RNFT2: variants seen among roughly 807,000 people sequenced by gnomAD.
RNFT2 encodes the protein ring finger protein, transmembrane 2, also known as E3 ubiquitin-protein ligase RNFT2.
In RNFT2, 36 loss-of-function variants were observed where a neutral mutation model predicts 53.0. The ratio of observed to expected loss-of-function variants is 0.68; its 90% CI spans 0.52 to 0.90. RNFT2 has a LOEUF of 0.90. Among genes scored for constraint, RNFT2 ranks in the 40% least tolerant of loss-of-function variants. The pLI is 0.00. For missense variants in RNFT2, 514 were observed against 585.6 expected, an observed-to-expected ratio of 0.88 and a Z score of 1.26; for synonymous variants, 260 against 253.2, an observed-to-expected ratio of 1.03 and a Z score of -0.26.
chr12:116,823,703 T>A (rs911789134), intron 7 of RNFT2, among the ~76,000 whole-genome samples: 9 of 152,100 alleles, frequency 5.9e-5, no homozygotes, highest in Non-Finnish European at 1.0e-4. Flanking sequence ...TAATAATAAT[T>A]CTTCTGCTTT....
intron 7 of RNFT2, among the ~76,000 whole-genome samples, chr12:116,831,171 A>AC: frequency 6.8e-6 from 1 of 147,948 alleles, no homozygotes; most frequent in South Asian, 2.2e-4. Flanking sequence ...ACCAGCCTGG[A>AC]CAACACAGCA....
At chr12:116,789,035 GGGA>G (rs1874076911) in intron 7 of RNFT2, among the ~76,000 whole-genome samples, 1 of 151,314 alleles carries the variant, frequency 6.6e-6, no homozygotes, top group African/African-American at 2.4e-5. Context: ...ATGGGTAAAT[GGGA>G]GGAGAGTAGA....
At chr12:116,839,607 C>T (rs546020368) in intron 10 of RNFT2, among the ~76,000 whole-genome samples, 32 of 148,388 alleles carry the variant, frequency 2.2e-4, no homozygotes, top group African/African-American at 5.2e-4. Flanking sequence ...GACAGATGGA[C>T]GGATGGATGG....
intron 6 of RNFT2, 114 bp from the exon 7 acceptor site, chr12:116,779,081 C>T: frequency 9.0e-7 from 1 of 1,109,542 alleles, no homozygotes; most frequent in Non-Finnish European, 1.3e-6. Flanking sequence ...ACGTCTGACT[C>T]CCAGTTCAGC....
intron 6 of RNFT2, among the ~76,000 whole-genome samples, chr12:116,777,315 T>C (rs1463251964): frequency 6.6e-6 from 1 of 152,116 alleles, no homozygotes; most frequent in Non-Finnish European, 1.5e-5. Context: ...CTGCGTGACA[T>C]CTAAAGCCAG....
At chr12:116,810,046 T>C (rs186315754) in intron 7 of RNFT2, among the ~76,000 whole-genome samples, 11 of 152,254 alleles carry the variant, frequency 7.2e-5, no homozygotes, top group Admixed American at 6.5e-4. Context: ...GGTCACATGA[T>C]TTGTTTTCTC....
chr12:116,852,146 T>G lies in RNFT2; in HGVS notation c.*2698T>G. ...GCCACCAGAATCTTGCCTGCCCTAT[T>G]CCTCCTCCCAAGTCTGTTCTCTTAT... On this transcript the variant is annotated 3_prime_UTR_variant, in exon 11 of 11. Coordinates refer to ENST00000257575, the MANE Select transcript of RNFT2 (RefSeq NM_001382266.1). 5.7e-6 allele frequency: 6 copies of G among 1,059,844 alleles called. No homozygotes were observed. Among genetic ancestry groups the G allele is most frequent in the Non-Finnish European group, 6.5e-6 (5 of 774,136 alleles). 65.7% of individuals were successfully genotyped at this position (1,059,844 alleles called of 1,614,324 possible).
intron 5 of RNFT2, among the ~76,000 whole-genome samples, chr12:116,763,877 A>G (rs963377605): frequency 2.0e-5 from 3 of 152,188 alleles, no homozygotes; most frequent in African/African-American, 7.2e-5. Flanking sequence ...AAAAGAAGTC[A>G]TTATACGAAA....
intron 10 of RNFT2, among the ~76,000 whole-genome samples, chr12:116,848,620 T>C (rs1877738893): frequency 1.3e-5 from 2 of 152,056 alleles, no homozygotes; most frequent in African/African-American, 4.8e-5. Flanking sequence ...CTCCCGCACA[T>C]CAAACACAGT....
At chr12:116,837,436 G>A (rs1877035709) in intron 10 of RNFT2, among the ~76,000 whole-genome samples, 1 of 152,136 alleles carries the variant, frequency 6.6e-6, no homozygotes, top group African/African-American at 2.4e-5. Flanking sequence ...GTTTTTGGAG[G>A]AGGCATAGCC....
chr12:116,765,406 A>G (rs1872865155), intron 5 of RNFT2, among the ~76,000 whole-genome samples: 2 of 152,188 alleles, frequency 1.3e-5, no homozygotes, highest in Admixed American at 1.3e-4. Flanking sequence ...GGAAATGTGC[A>G]TCATAACAGT....
intron 5 of RNFT2, among the ~76,000 whole-genome samples, chr12:116,761,899 T>C (rs1872703015): frequency 6.6e-6 from 1 of 151,836 alleles, no homozygotes; most frequent in Non-Finnish European, 1.5e-5. Context: ...ATTGAAAGGA[T>C]TGAATGAAAT....
rs974255258 is a variant in RNFT2, at chr12:116,840,998, T to C, written c.1200+4716T>C. ...ATGTCATTTTTCGTAATTAAATGCT[T>C]CAAACATCCTTTCCCAGATTCCCTA... On this transcript the variant is annotated intron_variant, in intron 10 of 10. Transcript: ENST00000257575. 1.1e-4 allele frequency among the ~76,000 whole-genome samples: 16 copies of C among 152,142 alleles called. No homozygotes were observed. In the East Asian group the frequency reaches 3.1e-3, roughly 29 times the overall value.
chr12:116,842,380 G>A (rs1235245912), intron 10 of RNFT2, among the ~76,000 whole-genome samples: 4 of 152,044 alleles, frequency 2.6e-5, no homozygotes, highest in Admixed American at 2.0e-4. Flanking sequence ...ATGGAAATCT[G>A]CCTCTCACAT....
At position 116,828,845 on chromosome 12, in the gene RNFT2, CA is replaced by C. The variant is rs369518779; in HGVS notation, c.883-4943del. ...GTGCACTGAATGTAGGGAAGAGTGA[CA>C]AAAGCAGGTTAAGGCCAGGCATGGT... On this transcript the variant is annotated intron_variant, in intron 7 of 10. Coordinates refer to ENST00000257575, the MANE Select transcript of RNFT2 (RefSeq NM_001382266.1). Among the ~76,000 whole-genome samples, 237 of 152,004 alleles carry C rather than the reference CA, an allele frequency of 1.6e-3. 1 individual carries two copies. The highest frequency in any genetic ancestry group is 5.1e-3 in the African/African-American group (213 of 41,462).
rs775681513 is a variant in RNFT2, at chr12:116,849,494, C to A, written c.*46C>A. 6.5e-6 allele frequency: 10 copies of A among 1,544,934 alleles called. No individual in the cohort carries two copies. Among genetic ancestry groups the A allele is most frequent in the Non-Finnish European group, 8.7e-6 (10 of 1,143,040 alleles). Reference sequence around the variant, plus strand: ...CAGAAGGACGCCAAGGGTCAGCATGCCCGGACCCAGCCCTGCGGGGGCTTC... The same window carrying A: ...CAGAAGGACGCCAAGGGTCAGCATGACCGGACCCAGCCCTGCGGGGGCTTC... On this transcript the variant is annotated 3_prime_UTR_variant, in exon 11 of 11. Coordinates refer to ENST00000257575, the MANE Select transcript of RNFT2 (RefSeq NM_001382266.1).
At chr12:116,794,313 C>T (rs544209341) in intron 7 of RNFT2, among the ~76,000 whole-genome samples, 1 of 151,772 alleles carries the variant, frequency 6.6e-6, no homozygotes, top group Admixed American at 6.6e-5. Flanking sequence ...AAAACCAGGC[C>T]AGGGCTGGGC....
chr12:116,793,335 T>G (rs897924758), intron 7 of RNFT2, among the ~76,000 whole-genome samples: 1 of 150,226 alleles, frequency 6.7e-6, no homozygotes. Context: ...GTGTCCCACA[T>G]GCCACCATGC....
rs181696507 is a variant in RNFT2, at chr12:116,777,662, C to G, written c.729-1533C>G. Among the ~76,000 whole-genome samples, 560 of 152,306 alleles carry G rather than the reference C, an allele frequency of 3.7e-3. 2 individuals carry two copies. The highest frequency in any genetic ancestry group is 6.9e-3 in the Non-Finnish European group (467 of 68,030). ...CTGCAAAATGGGGTGGATAAAAGTA[C>G]CTGCCTCATAATGTTAGTGTCATCA... On this transcript the variant is annotated intron_variant, in intron 6 of 10. Transcript: ENST00000257575.
Sources: allele counts gnomAD v4.1 joint callset (sites outside exome capture counted in the v4.1 genomes callset), GRCh38; gene constraint gnomAD v4.1.1; transcripts MANE v1.5; gene names NCBI Gene and HGNC (gene_info 2026-07-23, HGNC 2026-07-21).